The following STRN variants were observed in gnomAD, a reference collection of about 807,000 sequenced individuals.
STRN encodes protein phosphatase 2 regulatory subunit B'''alpha.
In STRN, 53 loss-of-function variants were observed where a neutral mutation model predicts 96.3. The ratio of observed to expected loss-of-function variants is 0.55; its 90% CI spans 0.44 to 0.69. The LOEUF is 0.69. Ranked by LOEUF, STRN falls within the 30% of genes least tolerant of loss-of-function variation. STRN has a pLI of 0.00. For synonymous variants in STRN, 428 were observed against 355.9 expected, an observed-to-expected ratio of 1.20 and a Z score of -2.28; for missense variants, 987 against 963.9, an observed-to-expected ratio of 1.02 and a Z score of -0.32.
At chr2:36,950,208 G>GTTT (rs1338547776) in intron 1 of STRN, among the ~76,000 whole-genome samples, 25 of 124,080 alleles carry the variant, frequency 2.0e-4, no homozygotes, top group Middle Eastern at 4.2e-3. Context: ...GGTTGGTTTG[G>GTTT]TTTTGTTTTT....
At chr2:36,900,788 G>A (rs1029145081) in intron 5 of STRN, among the ~76,000 whole-genome samples, 1 of 152,082 alleles carries the variant, frequency 6.6e-6, no homozygotes, top group Non-Finnish European at 1.5e-5. Flanking sequence ...GGCTACTCGG[G>A]AGGCTTAGGC....
intron 1 of STRN, among the ~76,000 whole-genome samples, chr2:36,941,286 G>A (rs1430006264): frequency 6.6e-6 from 1 of 152,186 alleles, no homozygotes; most frequent in South Asian, 2.1e-4. Context: ...AATCTCTTCT[G>A]CAAAAGGGGA....
intron 1 of STRN, among the ~76,000 whole-genome samples, chr2:36,930,754 C>T (rs868438799): frequency 6.6e-6 from 1 of 151,902 alleles, no homozygotes; most frequent in Non-Finnish European, 1.5e-5. Context: ...TCCCAGAGGC[C>T]GGGCGCAGTG....
intron 1 of STRN, among the ~76,000 whole-genome samples, chr2:36,950,212 T>G (rs113537897): frequency 4.5e-5 from 6 of 134,114 alleles, no homozygotes; most frequent in East Asian, 2.3e-4. Flanking sequence ...GGTTTGGTTT[T>G]GTTTTTTTTT....
At chr2:36,867,022 A>G in intron 12 of STRN, among the ~76,000 whole-genome samples, 1 of 152,200 alleles carries the variant, frequency 6.6e-6, no homozygotes, top group Non-Finnish European at 1.5e-5. Flanking sequence ...TAGCCCTTTT[A>G]CATTCAAGGT....
At chr2:36,932,531 T>C (rs549027665) in intron 1 of STRN, among the ~76,000 whole-genome samples, 1 of 152,320 alleles carries the variant, frequency 6.6e-6, no homozygotes, top group South Asian at 2.1e-4. Flanking sequence ...ATTTTATTTA[T>C]TTACCTATTG....
chr2:36,950,075 C>G (rs1032633178), intron 1 of STRN, among the ~76,000 whole-genome samples: 1 of 151,874 alleles, frequency 6.6e-6, no homozygotes, highest in East Asian at 1.9e-4. Flanking sequence ...GTAAAAAAAA[C>G]TGAAGGTAGT....
intron 5 of STRN, among the ~76,000 whole-genome samples, chr2:36,901,577 ACTAT>A (rs1207352818): frequency 1.3e-5 from 2 of 151,872 alleles, no homozygotes; most frequent in Non-Finnish European, 2.9e-5. Context: ...AAACATTTAT[ACTAT>A]CTAAGTTAAC....
At chr2:36,861,998 C>T (rs1373782337) in intron 12 of STRN, among the ~76,000 whole-genome samples, 3 of 152,120 alleles carry the variant, frequency 2.0e-5, no homozygotes, top group Admixed American at 2.0e-4. Context: ...ATGTTTAGTT[C>T]TCACTTATAA....
rs950161251 is a variant in STRN, at chr2:36,845,614, A to C, written c.*3842T>G. Reference sequence around the variant, plus strand: ...AAGTATTAAAAAGTGAGCCTTTAAAAAATTACATTTACTTAGCCAACATTA... The same window carrying C: ...AAGTATTAAAAAGTGAGCCTTTAAACAATTACATTTACTTAGCCAACATTA... On this transcript the variant is annotated 3_prime_UTR_variant, in exon 18 of 18. Transcript: ENST00000263918. 8 of 152,160 alleles carry C rather than the reference A, an allele frequency of 5.3e-5. No individual in the cohort carries two copies. The highest frequency in any genetic ancestry group is 1.3e-4 in the Admixed American group (2 of 15,266). The allele number at this position is 152,160 out of a possible 1,614,324, so 9.4% of individuals were successfully genotyped here. A position where few individuals can be genotyped will look rare whatever the true frequency, so the allele number is the denominator to read the frequency against.
rs765757194 is a variant in STRN at position 36,902,631 on chromosome 2, T to G, written c.612A>C (p.Ser204=). The G allele has an allele frequency of 1.9e-6, 3 of 1,611,916 alleles. No individual in the cohort carries two copies. In the East Asian group the frequency reaches 6.7e-5, roughly 36 times the overall value. The part of the protein sequence containing the change: ...TDREDDKNQD[S]VVNGTEAEVK... ...CTTCAGCCTCTGTGCCATTTACAACTGAGTCCTGATTTTTGTCATCTTCCC... is the reference window on the plus strand; with the variant it reads ...CTTCAGCCTCTGTGCCATTTACAACGGAGTCCTGATTTTTGTCATCTTCCC... Residue 204 remains serine, a synonymous_variant, in exon 5 of 18, where the codon TCA becomes TCC. Coordinates refer to ENST00000263918, the MANE Select transcript of STRN (RefSeq NM_003162.4).
chr2:36,950,405 G>A (rs1664726221), intron 1 of STRN, among the ~76,000 whole-genome samples: 1 of 151,976 alleles, frequency 6.6e-6, no homozygotes, highest in Admixed American at 6.6e-5. Context: ...TAGTAGAGAT[G>A]AGGTTTCACC....
At chr2:36,929,482 C>A (rs982029268) in intron 1 of STRN, among the ~76,000 whole-genome samples, 4 of 151,870 alleles carry the variant, frequency 2.6e-5, no homozygotes, top group Admixed American at 2.0e-4. Context: ...CTCCCAGGGT[C>A]GAAGTAATTC....
intron 11 of STRN, among the ~76,000 whole-genome samples, chr2:36,868,256 A>AC (rs1218970627): frequency 6.6e-6 from 1 of 152,068 alleles, no homozygotes; most frequent in Non-Finnish European, 1.5e-5. Context: ...ACAAAACAGA[A>AC]AAATGGGAAT....
At chr2:36,907,114 G>C (rs769706195) in intron 3 of STRN, among the ~76,000 whole-genome samples, 27 of 152,088 alleles carry the variant, frequency 1.8e-4, no homozygotes, top group Non-Finnish European at 4.4e-5. Context: ...GCTATACTAT[G>C]GTTCTACATT....
Position 36,848,938 on chromosome 2 carries a change from A to G in STRN, c.*518T>C, listed in dbSNP as rs2148121678. The G allele has an allele frequency of 6.5e-6, 1 of 153,356 alleles. No homozygotes were observed. The highest frequency in any genetic ancestry group is 3.4e-3 in the Middle Eastern group (1 of 294). 9.5% of individuals were successfully genotyped at this position (153,356 alleles called of 1,614,324 possible). A position where few individuals can be genotyped will look rare whatever the true frequency, so the allele number is the denominator to read the frequency against. On this transcript the variant is annotated 3_prime_UTR_variant, in exon 18 of 18. Transcript: ENST00000263918. ...AACAGCTGAAAGGAGAGTCAAATTA[A>G]AAACTCAGTTTAACACTGCCTGGTC...
intron 10 of STRN, among the ~76,000 whole-genome samples, chr2:36,877,145 A>T (rs1004210740): frequency 2.0e-5 from 3 of 152,232 alleles, no homozygotes; most frequent in African/African-American, 7.2e-5. Flanking sequence ...CTGATGGGTC[A>T]GCCTTAACAT....
intron 2 of STRN, among the ~76,000 whole-genome samples, chr2:36,919,673 G>T (rs759010265): frequency 4.6e-5 from 7 of 152,288 alleles, no homozygotes; most frequent in Middle Eastern, 3.4e-3. Flanking sequence ...TTTAGAAAAT[G>T]AATTCTACGG....
Position 36,867,103 on chromosome 2 carries a change from T to C in STRN, c.1547+711A>G, listed in dbSNP as rs149720423. On this transcript the variant is annotated intron_variant, in intron 12 of 17. Transcript: ENST00000263918. ...TGGTTATTACACACACTTGATTGTG[T>C]AGTTGCTACAAAGTGTCAATGGTCT... is the stretch of plus-strand genomic sequence containing the variant. Among the ~76,000 whole-genome samples the C allele has an allele frequency of 2.2e-3, 330 of 152,354 alleles. 5 individuals are homozygous for C. Among genetic ancestry groups the C allele is most frequent in the African/African-American group, 7.6e-3 (316 of 41,586 alleles).
Sources: allele counts gnomAD v4.1 joint callset (sites outside exome capture counted in the v4.1 genomes callset), GRCh38; gene constraint gnomAD v4.1.1; transcripts MANE v1.5; gene names NCBI Gene and HGNC (gene_info 2026-07-23, HGNC 2026-07-21).